The following PCLO variants were observed in gnomAD, a reference collection of about 807,000 sequenced individuals.
The protein encoded by PCLO is piccolo presynaptic cytomatrix protein.
Under a neutral mutation model 427.5 loss-of-function variants are expected in PCLO, and 82 were observed. That is an observed-to-expected ratio of 0.19 (90% CI 0.16 to 0.23). The LOEUF (loss-of-function observed/expected upper bound fraction) is 0.23. Among genes scored for constraint, PCLO ranks in the 10% least tolerant of loss-of-function variants. The pLI, the probability that PCLO is intolerant of heterozygous loss-of-function variation, is 1.00. For synonymous variants in PCLO, 2,357 were observed against 2,155.4 expected (o/e 1.09, Z -2.59); for missense variants, 6,239 against 6,115.9 (o/e 1.02, Z -0.67).
chr7:82,783,390 G>A (rs896353580), intron 22 of PCLO, among the ~76,000 whole-genome samples: 20 of 152,028 alleles, frequency 1.3e-4, no homozygotes, highest in Non-Finnish European at 2.1e-4. Flanking sequence ...CGAGGCGAGC[G>A]GATCACGACG....
intron 6 of PCLO, among the ~76,000 whole-genome samples, chr7:82,941,087 T>TA (rs1429420395): frequency 9.2e-6 from 1 of 108,360 alleles, no homozygotes; most frequent in Non-Finnish European, 2.0e-5. Context: ...TTTCAATCAT[T>TA]AAGGTTTTTT....
intron 22 of PCLO, among the ~76,000 whole-genome samples, chr7:82,792,675 C>T (rs995272734): frequency 6.6e-6 from 1 of 152,116 alleles, no homozygotes; most frequent in African/African-American, 2.4e-5. Flanking sequence ...AATCTCACAT[C>T]TCACATATCT....
rs1205783417 is a variant in PCLO at position 82,754,556 on chromosome 7, A to G, written c.*4019T>C. 2.0e-5 allele frequency: 3 copies of G among 152,140 alleles called. No individual in the cohort carries two copies. Among genetic ancestry groups the G allele is most frequent in the Non-Finnish European group, 4.4e-5 (3 of 67,964 alleles). The allele number at this position is 152,140 out of a possible 1,614,324, so 9.4% of individuals were successfully genotyped here. On this transcript the variant is annotated 3_prime_UTR_variant, in exon 25 of 25. Coordinates refer to ENST00000333891, the MANE Select transcript of PCLO (RefSeq NM_033026.6). ...AATGCCAAATGAAATTAATATTTCA[A>G]CTTCGTCTACTTTACCAAGTGTATA...
chr7:83,059,600 C>A (rs1422564966), intron 3 of PCLO, among the ~76,000 whole-genome samples: 2 of 151,566 alleles, frequency 1.3e-5, no homozygotes, highest in African/African-American at 4.9e-5. Flanking sequence ...ATTTATTTAA[C>A]CAATCTCCAT....
At chr7:82,789,201 G>T (rs1042435276) in intron 22 of PCLO, among the ~76,000 whole-genome samples, 1 of 152,040 alleles carries the variant, frequency 6.6e-6, no homozygotes, top group Non-Finnish European at 1.5e-5. Context: ...ATAATATTCA[G>T]AGCTCTAAAA....
intron 22 of PCLO, among the ~76,000 whole-genome samples, chr7:82,787,165 G>C (rs2129468292): frequency 6.6e-6 from 1 of 152,130 alleles, no homozygotes; most frequent in East Asian, 1.9e-4. Context: ...TAACCACACT[G>C]TCTTCCACAA....
chr7:82,822,726 T>C lies in PCLO; in HGVS notation c.14597-37A>G, dbSNP rs78010233. 5,549 of 1,568,582 alleles carry C rather than the reference T, an allele frequency of 3.5e-3. 234 individuals are homozygous for C. In the East Asian group the frequency reaches 0.096, roughly 27 times the overall value. ...AGGGTAAAACATGAGTTAAAGTTGT[T>C]CCAGCATTCCTCCTATCAAGCTTGG... On this transcript the variant is annotated intron_variant, in intron 19 of 24. Coordinates refer to ENST00000333891, the MANE Select transcript of PCLO (RefSeq NM_033026.6).
chr7:83,121,366 C>A (rs1791274091), intron 3 of PCLO, among the ~76,000 whole-genome samples: 2 of 151,806 alleles, frequency 1.3e-5, no homozygotes, highest in South Asian at 4.2e-4. Context: ...AACCTCAAAT[C>A]AAAAACCAAT....
At chr7:82,890,479 A>AAT (rs2116114650) in intron 9 of PCLO, among the ~76,000 whole-genome samples, 1 of 151,908 alleles carries the variant, frequency 6.6e-6, no homozygotes, top group East Asian at 1.9e-4. Context: ...TTCCATATTC[A>AAT]ATATTACATA....
At chr7:83,053,727 A>G (rs727529) in intron 3 of PCLO, among the ~76,000 whole-genome samples, 49,042 of 151,734 alleles carry the variant, frequency 0.32, 9,121 homozygotes, top group East Asian at 0.73. Flanking sequence ...TGAGTTTTCA[A>G]TAACTCTCTT....
intron 10 of PCLO, among the ~76,000 whole-genome samples, chr7:82,857,151 C>A: frequency 6.6e-6 from 1 of 152,026 alleles, no homozygotes; most frequent in South Asian, 2.1e-4. Context: ...CTGCTATTCT[C>A]TCATAGTAGC....
intron 2 of PCLO, among the ~76,000 whole-genome samples, chr7:83,146,597 CTT>C (rs11354844): frequency 2.1e-3 from 287 of 135,098 alleles, no homozygotes; most frequent in East Asian, 9.2e-3. Context: ...CCAATAAATA[CTT>C]TTTTTTTTTT....
intron 3 of PCLO, among the ~76,000 whole-genome samples, chr7:83,016,319 A>G (rs1209891069): frequency 6.6e-6 from 1 of 152,196 alleles, no homozygotes; most frequent in Non-Finnish European, 1.5e-5. Context: ...TGTTGAAGGA[A>G]GCAAGATGTA....
chr7:82,804,975 T>C (rs951793247), intron 21 of PCLO, among the ~76,000 whole-genome samples: 19 of 152,162 alleles, frequency 1.2e-4, no homozygotes, highest in African/African-American at 4.3e-4. Flanking sequence ...GTTTGGATTT[T>C]GTTATTGGAA....
At chr7:82,838,002 C>T (rs1792271461) in intron 15 of PCLO, among the ~76,000 whole-genome samples, 1 of 151,898 alleles carries the variant, frequency 6.6e-6, no homozygotes, top group Admixed American at 6.6e-5. Flanking sequence ...AGGCTGGTTT[C>T]ATTATGATCA....
chr7:82,831,418 C>T (rs1476781521), intron 16 of PCLO, among the ~76,000 whole-genome samples: 1 of 151,902 alleles, frequency 6.6e-6, no homozygotes, highest in Non-Finnish European at 1.5e-5. Context: ...AATTCTCCAT[C>T]TCAATTTAAA....
intron 2 of PCLO, among the ~76,000 whole-genome samples, chr7:83,151,563 C>T (rs1792130133): frequency 6.6e-6 from 1 of 152,196 alleles, no homozygotes; most frequent in African/African-American, 2.4e-5. Context: ...CCTTCCTTTA[C>T]ATAGCTAGTG....
chr7:82,998,013 G>C (rs946165315), intron 3 of PCLO, among the ~76,000 whole-genome samples: 4 of 152,004 alleles, frequency 2.6e-5, no homozygotes, highest in Non-Finnish European at 2.9e-5. Flanking sequence ...AGATCTGTAA[G>C]AGAAGTGAAG....
intron 22 of PCLO, among the ~76,000 whole-genome samples, chr7:82,768,565 A>G (rs1483861922): frequency 6.6e-6 from 1 of 152,132 alleles, no homozygotes; most frequent in Non-Finnish European, 1.5e-5. Flanking sequence ...TTTCCTTAAA[A>G]TACAATTAAA....
Sources: allele counts gnomAD v4.1 joint callset (sites outside exome capture counted in the v4.1 genomes callset), GRCh38; gene constraint gnomAD v4.1.1; transcripts MANE v1.5; gene names NCBI Gene and HGNC (gene_info 2026-07-23, HGNC 2026-07-21).